Variants in PTPRD observed in about 807,000 individuals in gnomAD.
The protein encoded by PTPRD is receptor-type tyrosine-protein phosphatase delta.
PTPRD carries 34 observed loss-of-function variants against 214.5 expected under a neutral mutation model. That is an observed-to-expected ratio of 0.16 (90% confidence interval 0.12 to 0.21). The LOEUF (loss-of-function observed/expected upper bound fraction) is 0.21, where lower values mean the gene tolerates loss of function less well. PTPRD is among the 10% of genes least tolerant of loss of function. The probability of loss-of-function intolerance (pLI) is 1.00; values close to 1 mark genes in which losing one functional copy is unlikely to be tolerated. For synonymous variants in PTPRD, 1,128 were observed against 845.7 expected (o/e 1.33, Z -5.79); for missense variants, 2,545 against 2,398.7 (o/e 1.06, Z -1.27).
At chr9:10,159,999 C>T (rs377345072) in intron 3 of PTPRD, among the ~76,000 whole-genome samples, 1 of 151,978 alleles carries the variant, frequency 6.6e-6, no homozygotes, top group Non-Finnish European at 1.5e-5. Flanking sequence ...TGACAAATAT[C>T]TGGGTACAGA....
At position 9,502,624 on chromosome 9, in the gene PTPRD, G is replaced by C. The variant is rs112772973; in HGVS notation, c.-237+72108C>G. Among the ~76,000 whole-genome samples, 603 of 151,858 alleles carry C rather than the reference G, an allele frequency of 4.0e-3. 2 individuals are homozygous for C. Among genetic ancestry groups the C allele is most frequent in the African/African-American group, 0.014 (565 of 41,454 alleles). ...AAATAAAAACATTTGTTTATGAAAA[G>C]AATCAAGCAAGATTGTTTATAGCAG... On this transcript the variant is annotated intron_variant, in intron 8 of 45. Coordinates refer to ENST00000381196, the MANE Select transcript of PTPRD (RefSeq NM_002839.4).
At chr9:9,353,731 A>T (rs2052458510) in intron 9 of PTPRD, among the ~76,000 whole-genome samples, 1 of 151,898 alleles carries the variant, frequency 6.6e-6, no homozygotes, top group Non-Finnish European at 1.5e-5. Context: ...CAAAAAAGAA[A>T]ACAAGGAATA....
intron 2 of PTPRD, among the ~76,000 whole-genome samples, chr9:10,611,370 C>T (rs1010617679): frequency 6.6e-6 from 1 of 152,070 alleles, no homozygotes. Context: ...GAAAAAAATG[C>T]TGAAATGTTA....
At chr9:9,085,589 G>A (rs1226519524) in intron 10 of PTPRD, among the ~76,000 whole-genome samples, 2 of 151,364 alleles carry the variant, frequency 1.3e-5, no homozygotes, top group Non-Finnish European at 2.9e-5. Flanking sequence ...GGTCACATTA[G>A]CACTTATACT....
At chr9:8,454,643 T>A in intron 33 of PTPRD, 1 of 1,602,104 alleles carries the variant, frequency 6.2e-7, no homozygotes, top group Non-Finnish European at 8.5e-7. Context: ...TAAATGTTAG[T>A]TGGCCAATGG....
At chr9:9,505,699 G>A (rs560351089) in intron 8 of PTPRD, among the ~76,000 whole-genome samples, 4 of 151,434 alleles carry the variant, frequency 2.6e-5, no homozygotes, top group Non-Finnish European at 5.9e-5. Flanking sequence ...ATTATACCAG[G>A]GAAAATAATT....
At chr9:10,100,978 T>G (rs2098546238) in intron 3 of PTPRD, among the ~76,000 whole-genome samples, 1 of 151,724 alleles carries the variant, frequency 6.6e-6, no homozygotes, top group Non-Finnish European at 1.5e-5. Context: ...CTCATTTCCT[T>G]AGGATGGGCT....
intron 30 of PTPRD, among the ~76,000 whole-genome samples, chr9:8,478,714 T>C (rs2135450557): frequency 6.6e-6 from 1 of 152,332 alleles, no homozygotes; most frequent in East Asian, 1.9e-4. Flanking sequence ...TGCAGTATCC[T>C]TAAGGCTGTT....
At chr9:8,355,716 G>A (rs1165697327) in intron 39 of PTPRD, among the ~76,000 whole-genome samples, 1 of 152,202 alleles carries the variant, frequency 6.6e-6, no homozygotes, top group Non-Finnish European at 1.5e-5. Context: ...TACATTATAT[G>A]TTCAAGTAGT....
chr9:10,368,145 G>T (rs545633401), intron 2 of PTPRD, among the ~76,000 whole-genome samples: 3 of 152,164 alleles, frequency 2.0e-5, no homozygotes, highest in East Asian at 1.9e-4. Flanking sequence ...ACACATATTG[G>T]TAAGTTGTCT....
chr9:9,478,669 G>T lies in PTPRD; in HGVS notation c.-236-81187C>A, dbSNP rs534869454. Among the ~76,000 whole-genome samples the T allele has an allele frequency of 5.9e-5, 9 of 152,202 alleles. No individual in the cohort carries two copies. The South Asian group carries it at 1.7e-3, about 28-fold the overall frequency. ...TTTGTAAGTGTTAATGCCAACAAAG[G>T]TTCATAGAGTATTGAATAATATTAA... On this transcript the variant is annotated intron_variant, in intron 8 of 45. Coordinates refer to ENST00000381196, the MANE Select transcript of PTPRD (RefSeq NM_002839.4).
At chr9:10,117,675 T>C (rs2098742126) in intron 3 of PTPRD, among the ~76,000 whole-genome samples, 1 of 151,320 alleles carries the variant, frequency 6.6e-6, no homozygotes, top group African/African-American at 2.4e-5. Flanking sequence ...AATTCCAGGA[T>C]GATTTCACCT....
At chr9:10,046,510 G>C (rs140872044) in intron 3 of PTPRD, among the ~76,000 whole-genome samples, 1 of 151,638 alleles carries the variant, frequency 6.6e-6, no homozygotes, top group African/African-American at 2.4e-5. Context: ...GATTTTTCTA[G>C]GCACATGTCA....
intron 11 of PTPRD, among the ~76,000 whole-genome samples, chr9:8,823,692 G>GGGAAA (rs777805415): frequency 6.6e-6 from 1 of 151,634 alleles, no homozygotes; most frequent in African/African-American, 2.4e-5. Flanking sequence ...GGAAAGGAAA[G>GGGAAA]GGAAAGGAAA....
intron 5 of PTPRD, among the ~76,000 whole-genome samples, chr9:9,927,435 C>A (rs1301513929): frequency 6.6e-6 from 1 of 152,056 alleles, no homozygotes; most frequent in Non-Finnish European, 1.5e-5. Flanking sequence ...CAATGCCATT[C>A]CCAGCCCACA....
chr9:8,992,891 C>G (rs970384678), intron 11 of PTPRD, among the ~76,000 whole-genome samples: 1 of 152,080 alleles, frequency 6.6e-6, no homozygotes, highest in Non-Finnish European at 1.5e-5. Flanking sequence ...TGGCTGTTTC[C>G]ATGCCAGCAT....
chr9:9,600,135 G>C lies in PTPRD; in HGVS notation c.-286-25354C>G, dbSNP rs1430774176. On this transcript the variant is annotated intron_variant, in intron 7 of 45. Transcript: ENST00000381196. ...GCGGTATACACCGACTAATAATTTG[G>C]GGGAAAATGACACGATAGAGGTACA... 7.2e-5 allele frequency among the ~76,000 whole-genome samples: 11 copies of C among 151,960 alleles called. No homozygotes were observed. The East Asian group carries it at 2.1e-3, about 29-fold the overall frequency.
intron 3 of PTPRD, among the ~76,000 whole-genome samples, chr9:10,238,871 T>C (rs747084156): frequency 6.6e-6 from 1 of 151,916 alleles, no homozygotes; most frequent in Non-Finnish European, 1.5e-5. Context: ...GCAGTACTAC[T>C]TCCTAGGGGA....
chr9:9,706,787 C>T (rs546947376), intron 7 of PTPRD, among the ~76,000 whole-genome samples: 285 of 151,910 alleles, frequency 1.9e-3, no homozygotes, highest in African/African-American at 6.4e-3. Flanking sequence ...ATTTGTCCAC[C>T]GGAAACATAT....
Sources: gnomAD v4.1 joint callset for allele counts (sites outside exome capture counted in the v4.1 genomes callset) on GRCh38, gnomAD v4.1.1 for gene constraint, MANE v1.5 for transcripts, NCBI Gene and HGNC (gene_info 2026-07-23, HGNC 2026-07-21) for gene names.